The following COA1 variants were observed in gnomAD, a reference collection of about 807,000 sequenced individuals.
The protein encoded by COA1 is cytochrome c oxidase assembly factor 1.
In COA1, 13 loss-of-function variants were observed where a neutral mutation model predicts 16.0. That is an observed-to-expected ratio of 0.81 (90% CI 0.53 to 1.29). The LOEUF (loss-of-function observed/expected upper bound fraction) is 1.29, where lower values mean the gene tolerates loss of function less well. COA1 is among the 50% of genes most tolerant of loss of function. The pLI is 0.00. For missense variants in COA1, 179 were observed against 177.0 expected, an observed-to-expected ratio of 1.01 and a Z score of -0.06; for synonymous variants, 65 against 65.7, an observed-to-expected ratio of 0.99 and a Z score of 0.05.
rs1563229648 is a variant in COA1, at chr7:43,644,786, GC to G, written c.264+464del. The stretch of plus-strand genomic sequence containing the variant: ...GGCAGGCAGGCAGGCAGGCAGGCAG[GC>G]AGGCAGAGAGACAGAGAGAGAGAGA... On this transcript the variant is annotated intron_variant, in intron 4 of 5. Transcript: ENST00000223336. Among the ~76,000 whole-genome samples, 126 of 44,462 alleles carry G rather than the reference GC, an allele frequency of 2.8e-3. 2 individuals carry two copies. The highest frequency in any genetic ancestry group is 8.3e-4 in the African/African-American group (12 of 14,532). 29.2% of individuals were successfully genotyped at this position (44,462 alleles called of 152,430 possible).
At chr7:43,702,476 T>C (rs968016702) in intron 1 of COA1, among the ~76,000 whole-genome samples, 3 of 152,112 alleles carry the variant, frequency 2.0e-5, no homozygotes, top group Admixed American at 6.5e-5. Flanking sequence ...CTACTGGTAC[T>C]ATGCTGTTTT....
At chr7:43,720,097 G>C (rs1393774000) in intron 1 of COA1, among the ~76,000 whole-genome samples, 1 of 151,814 alleles carries the variant, frequency 6.6e-6, no homozygotes, top group Non-Finnish European at 1.5e-5. Context: ...TGGCCAACAT[G>C]GTGAAACCCC....
chr7:43,686,999 C>G (rs994469718), intron 1 of COA1, among the ~76,000 whole-genome samples: 1 of 152,162 alleles, frequency 6.6e-6, no homozygotes, highest in African/African-American at 2.4e-5. Flanking sequence ...GCCCCAAATC[C>G]TATTCCCTCC....
intron 1 of COA1, among the ~76,000 whole-genome samples, chr7:43,660,039 C>G (rs2092268577): frequency 6.6e-6 from 1 of 152,158 alleles, no homozygotes. Context: ...AGGAAACCAA[C>G]CCTGACAACA....
intron 1 of COA1, among the ~76,000 whole-genome samples, chr7:43,720,437 C>CT (rs940737535): frequency 1.7e-4 from 25 of 150,456 alleles, no homozygotes; most frequent in South Asian, 1.5e-3. Context: ...CTTCCTTTTT[C>CT]TTTTTTTTTC....
intron 1 of COA1, among the ~76,000 whole-genome samples, chr7:43,719,714 CCT>C (rs2095468469): frequency 1.3e-5 from 2 of 152,068 alleles, no homozygotes; most frequent in African/African-American, 4.8e-5. Context: ...GAAAATGTCC[CCT>C]GACCCACATA....
At chr7:43,639,789 T>G in intron 5 of COA1, 108 bp from the exon 6 acceptor site, 1 of 759,724 alleles carries the variant, frequency 1.3e-6, no homozygotes, top group South Asian at 1.6e-5. Context: ...TGCCTTAAAT[T>G]TTTTTAAACA....
intron 1 of COA1, among the ~76,000 whole-genome samples, chr7:43,663,219 C>T (rs2092609644): frequency 6.6e-6 from 1 of 152,188 alleles, no homozygotes; most frequent in African/African-American, 2.4e-5. Context: ...CACCTTCTGC[C>T]ATGAGTAAAA....
intron 1 of COA1, among the ~76,000 whole-genome samples, chr7:43,651,830 C>G (rs1221927853): frequency 6.6e-6 from 1 of 151,998 alleles, no homozygotes; most frequent in Non-Finnish European, 1.5e-5. Context: ...AACCGAAACT[C>G]TACAAAAAAT....
intron 4 of COA1, among the ~76,000 whole-genome samples, chr7:43,643,961 T>C (rs2087943268): frequency 1.3e-5 from 2 of 152,204 alleles, no homozygotes; most frequent in Admixed American, 6.5e-5. Context: ...CCAAATACTT[T>C]ACGGGCTTCT....
intron 1 of COA1, among the ~76,000 whole-genome samples, chr7:43,711,640 T>C (rs915801411): frequency 2.0e-5 from 3 of 152,228 alleles, no homozygotes; most frequent in African/African-American, 7.2e-5. Flanking sequence ...CATCATAGCG[T>C]GTACTTACAC....
chr7:43,725,437 C>A (rs187477709), intron 1 of COA1, among the ~76,000 whole-genome samples: 1 of 152,242 alleles, frequency 6.6e-6, no homozygotes, highest in Non-Finnish European at 1.5e-5. Flanking sequence ...ACAGTTCTAA[C>A]TGGAATCAAG....
chr7:43,665,624 A>G (rs2092828056), intron 1 of COA1: 3 of 152,250 alleles, frequency 2.0e-5, no homozygotes, highest in African/African-American at 7.2e-5. Flanking sequence ...CTGAGACTGA[A>G]TAATTATAAA....
intron 4 of COA1, among the ~76,000 whole-genome samples, chr7:43,641,274 G>A (rs2086993337): frequency 6.9e-6 from 1 of 145,622 alleles, no homozygotes; most frequent in South Asian, 2.2e-4. Context: ...CATCAGATAG[G>A]ACGCTTGGAT....
chr7:43,655,622 A>C (rs1306203153), intron 1 of COA1, among the ~76,000 whole-genome samples: 1 of 152,184 alleles, frequency 6.6e-6, no homozygotes, highest in Non-Finnish European at 1.5e-5. Context: ...AGATTGCGCC[A>C]CTGCACTCCA....
Position 43,639,528 on chromosome 7 carries a change from G to T in COA1, c.*54C>A. 6.9e-7 allele frequency: 1 copy of T among 1,446,372 alleles called. No homozygotes were observed. Among genetic ancestry groups the T allele is most frequent in the South Asian group, 1.1e-5 (1 of 87,366 alleles). The allele number at this position is 1,446,372 out of a possible 1,614,324, so 89.6% of individuals were successfully genotyped here. On this transcript the variant is annotated 3_prime_UTR_variant, in exon 6 of 6. Transcript: ENST00000223336. ...TGGGCCACCACCCCAGTGGCCATAT[G>T]GTAGAGATGAGGGAAGGATGGACTA...
At chr7:43,640,406 C>T (rs909377532) in intron 5 of COA1, among the ~76,000 whole-genome samples, 167 bp downstream of exon 5, 2 of 152,226 alleles carry the variant, frequency 1.3e-5, no homozygotes, top group East Asian at 1.9e-4. Flanking sequence ...AGCTAAGAGC[C>T]GCAGTACTGG....
At chr7:43,608,590 T>C in exon 7 of COA1, 1 of 541,670 alleles carries the variant, frequency 1.8e-6, no homozygotes, top group Non-Finnish European at 3.1e-6. Context: ...CATGTGTACA[T>C]GGAAAGATAC....
At chr7:43,669,687 A>T (rs1350920294) in intron 1 of COA1, among the ~76,000 whole-genome samples, 2 of 151,316 alleles carry the variant, frequency 1.3e-5, no homozygotes, top group African/African-American at 2.4e-5. Flanking sequence ...CCCTCCCTTT[A>T]TCTTTGTACA....
Sources: gnomAD v4.1 joint callset for allele counts (sites outside exome capture counted in the v4.1 genomes callset) on GRCh38, gnomAD v4.1.1 for gene constraint, MANE v1.5 for transcripts, NCBI Gene and HGNC (gene_info 2026-07-23, HGNC 2026-07-21) for gene names.